The following SRSF4 variants were observed in gnomAD, a reference collection of about 807,000 sequenced individuals.
SRSF4 encodes serine and arginine rich splicing factor 4.
SRSF4 carries 12 observed loss-of-function variants against 48.8 expected under a neutral mutation model. The observed-to-expected ratio is 0.25, with a 90% CI of 0.16 to 0.40. SRSF4 has a LOEUF of 0.40. Among genes scored for constraint, SRSF4 ranks in the 10% least tolerant of loss-of-function variants. SRSF4 has a pLI of 1.00. For synonymous variants in SRSF4, 248 were observed against 232.5 expected, an observed-to-expected ratio of 1.07 and a Z score of -0.61; for missense variants, 466 against 667.1, an observed-to-expected ratio of 0.70 and a Z score of 3.32.
chr1:29,149,112 G>A lies in SRSF4; in HGVS notation c.783C>T (p.Ser261=), dbSNP rs1206322233. The A allele has an allele frequency of 4.3e-6, 7 of 1,610,454 alleles. No homozygotes were observed. Among genetic ancestry groups the A allele is most frequent in the Admixed American group, 3.3e-5 (2 of 59,804 alleles). Residue 261 remains serine, a synonymous_variant, in exon 6 of 6, where the codon AGC becomes AGT. Transcript: ENST00000373795. ...SKEKSRSRSH[S]AGKSRSKSKD... Reference sequence around the variant, plus strand: ...TGCTCTTGCTGCGGCTCTTGCCAGCGCTATGGCTGCGGCTGCGGCTCTTTT... The same window carrying A: ...TGCTCTTGCTGCGGCTCTTGCCAGCACTATGGCTGCGGCTGCGGCTCTTTT...
chr1:29,163,804 A>C (rs1558390380), intron 1 of SRSF4, among the ~76,000 whole-genome samples: 2 of 152,212 alleles, frequency 1.3e-5, no homozygotes. Flanking sequence ...GTGGTTTGAC[A>C]CCAGGGCTGA....
rs139609604 is a variant in SRSF4, at chr1:29,155,561, C to T, written c.364-651G>A. On this transcript the variant is annotated intron_variant, in intron 3 of 5. Coordinates refer to ENST00000373795, the MANE Select transcript of SRSF4 (RefSeq NM_005626.5). The stretch of plus-strand genomic sequence containing the variant: ...CAGCTGGAGTGCAGTGATGTGACCT[C>T]GGCTCACTGCAACCTCTGCCTCCCA... Among the ~76,000 whole-genome samples the T allele has an allele frequency of 9.9e-4, 150 of 152,276 alleles. 1 individual carries two copies. Among genetic ancestry groups the T allele is most frequent in the Middle Eastern group, 3.4e-3 (1 of 294 alleles).
At chr1:29,178,713 C>G (rs1672908985) in intron 1 of SRSF4, among the ~76,000 whole-genome samples, 1 of 152,158 alleles carries the variant, frequency 6.6e-6, no homozygotes. Flanking sequence ...TAGGGAGATC[C>G]ACTGCCCTTC....
chr1:29,160,270 G>A, intron 2 of SRSF4, 105 bp downstream of exon 2: 1 of 1,276,382 alleles, frequency 7.8e-7, no homozygotes, highest in Non-Finnish European at 1.0e-6. Context: ...TTACAAAATA[G>A]CTTAAACATC....
At chr1:29,158,421 C>A (rs148197080) in intron 3 of SRSF4, among the ~76,000 whole-genome samples, 38 of 146,348 alleles carry the variant, frequency 2.6e-4, no homozygotes, top group African/African-American at 8.0e-4. Context: ...ACACTGCCAT[C>A]TTCTTGTAAC....
At chr1:29,149,376 G>A (rs1672366531) in intron 5 of SRSF4, 150 bp from the exon 6 acceptor site, 3 of 1,063,644 alleles carry the variant, frequency 2.8e-6, no homozygotes, top group Non-Finnish European at 2.6e-6. Flanking sequence ...CCCTCACAAT[G>A]CCAATCAGAA....
At chr1:29,181,462 A>G (rs888242164) in intron 1 of SRSF4, among the ~76,000 whole-genome samples, 184 bp downstream of exon 1, 4 of 151,430 alleles carry the variant, frequency 2.6e-5, no homozygotes, top group African/African-American at 9.7e-5. Context: ...CACCACCCCC[A>G]CCCGCGCAGG....
chr1:29,149,023 G>A lies in SRSF4; in HGVS notation c.872C>T (p.Pro291Leu), dbSNP rs1027456405. ...DNVGKPKSRS[P>L]SRHKSKSKSR... ...TTTGCTCTTACTTTTATGCCTGCTA[G>A]GACTCCGGCTCTTGGGTTTCCCGAC... The change falls in exon 6 of 6, where the codon CCT becomes CTT. Residue 291 changes from proline to leucine, a missense_variant. Around this residue, in one of 2 missense-constraint regions of SRSF4, gnomAD observed 402 missense variants for 437.0 expected, o/e 0.92. Coordinates refer to ENST00000373795, the MANE Select transcript of SRSF4 (RefSeq NM_005626.5). The A allele has an allele frequency of 6.2e-7, 1 of 1,613,306 alleles. No individual in the cohort carries two copies. The highest frequency in any genetic ancestry group is 1.3e-5 in the African/African-American group (1 of 74,686).
intron 3 of SRSF4, among the ~76,000 whole-genome samples, chr1:29,158,796 C>T: frequency 6.6e-6 from 1 of 152,290 alleles, no homozygotes; most frequent in Non-Finnish European, 1.5e-5. Context: ...TGTGCCTCTG[C>T]ACTCCAGCCT....
At chr1:29,157,535 C>T (rs921452513) in intron 3 of SRSF4, among the ~76,000 whole-genome samples, 3 of 152,018 alleles carry the variant, frequency 2.0e-5, no homozygotes, top group Admixed American at 6.6e-5. Context: ...ACGGTGCTGA[C>T]GATAAGCATG....
intron 1 of SRSF4, chr1:29,170,138 A>G (rs1305573827): frequency 6.6e-6 from 1 of 152,184 alleles, no homozygotes; most frequent in Admixed American, 6.6e-5. Flanking sequence ...CAATTTTCTG[A>G]CACTTTTCAA....
chr1:29,170,416 T>C (rs971627066), intron 1 of SRSF4: 41 of 152,194 alleles, frequency 2.7e-4, no homozygotes, highest in African/African-American at 9.7e-4. Flanking sequence ...AACCAGTTCA[T>C]ACTTACCTCT....
At position 29,150,117 on chromosome 1, in the gene SRSF4, A is replaced by G. The variant is rs770155341; in HGVS notation, c.654T>C (p.Ser218=). Residue 218 remains serine, a synonymous_variant, in exon 5 of 6, where the codon AGT becomes AGC. Coordinates refer to ENST00000373795, the MANE Select transcript of SRSF4 (RefSeq NM_005626.5). ...SGSSKSSHSK[S]RSRSRSGSRS... ...GGAAGACATACCTGGACCGAGATCT[A>G]CTCTTAGAATGACTGCTTTTGCTGC... 8 of 1,613,624 alleles carry G rather than the reference A, an allele frequency of 5.0e-6. No homozygotes were observed. The East Asian group carries it at 1.3e-4, about 27-fold the overall frequency.
chr1:29,155,213 T>G (rs1388242609), intron 3 of SRSF4, among the ~76,000 whole-genome samples: 2 of 152,104 alleles, frequency 1.3e-5, no homozygotes, highest in African/African-American at 4.8e-5. Context: ...GGAGGATTGC[T>G]TGATCCCAGG....
chr1:29,152,932 A>AAAAAG (rs1553321742), intron 4 of SRSF4, among the ~76,000 whole-genome samples: 15 of 151,496 alleles, frequency 9.9e-5, no homozygotes, highest in Non-Finnish European at 1.8e-4. Flanking sequence ...CAAAAAAAAA[A>AAAAAG]AAAGAAAGAA....
At chr1:29,180,904 G>A (rs904600011) in intron 1 of SRSF4, among the ~76,000 whole-genome samples, 7 of 152,196 alleles carry the variant, frequency 4.6e-5, no homozygotes, top group Admixed American at 1.3e-4. Flanking sequence ...GCAGATACTA[G>A]CCAGGGTGGC....
At chr1:29,179,526 A>G (rs1168035023) in intron 1 of SRSF4, among the ~76,000 whole-genome samples, 1 of 152,086 alleles carries the variant, frequency 6.6e-6, no homozygotes, top group African/African-American at 2.4e-5. Context: ...CGCGTGGCTA[A>G]TTAAAAAAAT....
At chr1:29,168,029 T>A (rs12047804) in intron 1 of SRSF4, among the ~76,000 whole-genome samples, 6,324 of 141,142 alleles carry the variant, frequency 0.045, 376 homozygotes, top group African/African-American at 0.14. Context: ...TTTTTTTTTT[T>A]AAAAAAAACA....
intron 1 of SRSF4, chr1:29,169,589 G>A (rs1047212389): frequency 6.6e-6 from 1 of 152,102 alleles, no homozygotes; most frequent in Non-Finnish European, 1.5e-5. Context: ...ATAGAAAAAG[G>A]TAACAAATCA....
Sources: allele counts gnomAD v4.1 joint callset (sites outside exome capture counted in the v4.1 genomes callset), GRCh38; gene constraint gnomAD v4.1.1; regional missense constraint gnomAD v4.1.1; transcripts MANE v1.5; gene names NCBI Gene and HGNC (gene_info 2026-07-23, HGNC 2026-07-21).